The following ATL3 variants were observed in gnomAD, a reference collection of about 807,000 sequenced individuals.
ATL3 encodes the protein atlastin-3.
ATL3 carries 49 observed loss-of-function variants against 69.5 expected under a neutral mutation model. The observed-to-expected ratio is 0.71, with a 90% CI of 0.56 to 0.89. ATL3 has a LOEUF of 0.89. Among genes scored for constraint, ATL3 ranks in the 40% least tolerant of loss-of-function variants. The pLI is 0.00. For missense variants in ATL3, 606 were observed against 645.7 expected, an observed-to-expected ratio of 0.94 and a Z score of 0.67; for synonymous variants, 214 against 224.1, an observed-to-expected ratio of 0.95 and a Z score of 0.40.
At chr11:63,656,627 A>G (rs1371257777) in intron 3 of ATL3, among the ~76,000 whole-genome samples, 1 of 151,124 alleles carries the variant, frequency 6.6e-6, no homozygotes, top group African/African-American at 2.4e-5. Flanking sequence ...CCAGCTACTC[A>G]GAAGGCTGAG....
intron 1 of ATL3, among the ~76,000 whole-genome samples, chr11:63,669,868 A>C (rs987887600): frequency 6.6e-6 from 1 of 152,170 alleles, no homozygotes; most frequent in Non-Finnish European, 1.5e-5. Flanking sequence ...GAATCATTTG[A>C]ACCCAGGAGG....
intron 5 of ATL3, among the ~76,000 whole-genome samples, chr11:63,649,552 G>A (rs909434805): frequency 6.7e-6 from 1 of 149,302 alleles, no homozygotes; most frequent in African/African-American, 2.5e-5. Context: ...TTTTTTTAAA[G>A]ACAGAGTCTC....
chr11:63,651,357 G>A (rs1404448542), intron 5 of ATL3, among the ~76,000 whole-genome samples: 1 of 151,222 alleles, frequency 6.6e-6, no homozygotes, highest in Admixed American at 6.6e-5. Context: ...AGTGAGCCAA[G>A]ATTGCATCAT....
chr11:63,641,689 TA>T (rs1939706141), intron 8 of ATL3, among the ~76,000 whole-genome samples: 1 of 152,200 alleles, frequency 6.6e-6, no homozygotes, highest in Non-Finnish European at 1.5e-5. Context: ...TGCGGGGGAA[TA>T]AATTTCCGTT....
At position 63,652,864 on chromosome 11, in the gene ATL3, T is replaced by C. The variant is rs141732599; in HGVS notation, c.406-289A>G. On this transcript the variant is annotated intron_variant, in intron 3 of 12. Transcript: ENST00000398868. Reference sequence around the variant, plus strand: ...ATTAGCTTATCACCCAGCCAGGCATTTGGATGTTTCCTGTTGTTGAAAAAG... The same window carrying C: ...ATTAGCTTATCACCCAGCCAGGCATCTGGATGTTTCCTGTTGTTGAAAAAG... 2.7e-3 allele frequency among the ~76,000 whole-genome samples: 414 copies of C among 152,284 alleles called. 4 individuals are homozygous for C. The highest frequency in any genetic ancestry group is 8.7e-3 in the African/African-American group (362 of 41,554).
chr11:63,654,591 T>C (rs376241926), intron 3 of ATL3, among the ~76,000 whole-genome samples: 1 of 149,632 alleles, frequency 6.7e-6, no homozygotes, highest in African/African-American at 2.5e-5. Flanking sequence ...AGAGACAGGG[T>C]TTCACCACGT....
In ATL3 at chr11:63,658,761, C is replaced by T. The variant is rs752775091; in HGVS notation, c.405G>A (p.Lys135=). 48 of 1,595,000 alleles carry T rather than the reference C, an allele frequency of 3.0e-5. No homozygotes were observed. The highest frequency in any genetic ancestry group is 3.7e-5 in the Non-Finnish European group (44 of 1,174,530). The change falls in exon 3 of 13, where the codon AAG becomes AAA. Residue 135 remains lysine (K), a splice_region_variant and synonymous_variant. Coordinates refer to ENST00000398868, the MANE Select transcript of ATL3 (RefSeq NM_015459.5). The part of the protein sequence containing the change: ...VFTVEKPGGK[K]VAVVLMDTQG... ...TCTGTAAGGTCATTTTCATCCTTAC[C>T]TTCTTCCCACCTGGCTTCTCCACAG... is the stretch of plus-strand genomic sequence containing the variant.
Position 63,627,122 on chromosome 11 carries a change from CCTT to C in ATL3, c.*2194_*2196del, listed in dbSNP as rs1270471164. On this transcript the variant is annotated 3_prime_UTR_variant, in exon 13 of 13. Coordinates refer to ENST00000398868, the MANE Select transcript of ATL3 (RefSeq NM_015459.5). ...TAGTATGAGTTTTCGACACATCACCCCTTCTTACCATTAAATTTTTTAAGTTAT... is the reference window on the plus strand; with the variant it reads ...TAGTATGAGTTTTCGACACATCACCCCTTACCATTAAATTTTTTAAGTTAT... 5 of 151,214 alleles carry C rather than the reference CCTT, an allele frequency of 3.3e-5. No individual in the cohort carries two copies. The highest frequency in any genetic ancestry group is 6.6e-5 in the Admixed American group (1 of 15,172). The allele number at this position is 151,214 out of a possible 1,614,324, so 9.4% of individuals were successfully genotyped here.
In ATL3 at chr11:63,658,767, C is replaced by G. The variant is rs778353861; in HGVS notation, c.399G>C (p.Gly133=). The part of the protein sequence containing the change: ...SEVFTVEKPG[G]KKVAVVLMDT... Reference sequence around the variant, plus strand: ...AGGTCATTTTCATCCTTACCTTCTTCCCACCTGGCTTCTCCACAGTGAAAA... The same window carrying G: ...AGGTCATTTTCATCCTTACCTTCTTGCCACCTGGCTTCTCCACAGTGAAAA... The change falls in exon 3 of 13, where the codon GGG becomes GGC. Residue 133 remains glycine, a synonymous_variant. Coordinates refer to ENST00000398868, the MANE Select transcript of ATL3 (RefSeq NM_015459.5). 5.0e-6 allele frequency: 8 copies of G among 1,596,994 alleles called. No homozygotes were observed. The Admixed American group carries it at 1.5e-4, about 29-fold the overall frequency.
chr11:63,666,463 T>C (rs1479006081), intron 1 of ATL3, among the ~76,000 whole-genome samples: 2 of 152,170 alleles, frequency 1.3e-5, no homozygotes, highest in African/African-American at 2.4e-5. Flanking sequence ...TATACAAATT[T>C]AGGACTCAAA....
rs1274948668 is a variant in ATL3 at position 63,627,237 on chromosome 11, A to G, written c.*2082T>C. The stretch of plus-strand genomic sequence containing the variant: ...AGCCTGCTAATAGGTATGAACTTTC[A>G]GAGAGATAAGAGGTCACCTGAAAAT... On this transcript the variant is annotated 3_prime_UTR_variant, in exon 13 of 13. Coordinates refer to ENST00000398868, the MANE Select transcript of ATL3 (RefSeq NM_015459.5). 6.6e-6 allele frequency: 1 copy of G among 152,140 alleles called. No individual in the cohort carries two copies. The highest frequency in any genetic ancestry group is 1.5e-5 in the Non-Finnish European group (1 of 68,030). The allele number at this position is 152,140 out of a possible 1,614,324, so 9.4% of individuals were successfully genotyped here. A position where few individuals can be genotyped will look rare whatever the true frequency, so the allele number is the denominator to read the frequency against.
At chr11:63,637,683 C>T (rs566251046) in intron 8 of ATL3, 7 of 152,276 alleles carry the variant, frequency 4.6e-5, no homozygotes, top group Admixed American at 2.6e-4. Flanking sequence ...AGCTGATTTA[C>T]ATAATCTTCT....
chr11:63,629,876 CA>C (rs1010795500), intron 12 of ATL3, among the ~76,000 whole-genome samples: 9 of 151,072 alleles, frequency 6.0e-5, no homozygotes, highest in African/African-American at 1.5e-4. Context: ...ACCTCGTCTC[CA>C]AAAAAAATTT....
Position 63,635,530 on chromosome 11 carries a change from T to G in ATL3, c.1035+4A>C. 1 of 1,611,194 alleles carries G rather than the reference T, an allele frequency of 6.2e-7. No individual in the cohort carries two copies. The highest frequency in any genetic ancestry group is 1.1e-5 in the South Asian group (1 of 90,908). ...AGCGTTTAGGATGTCAAATCATTGT[T>G]TACCTGAAGCATGGACTTGGGGTGA... On this transcript the variant is annotated splice_donor_region_variant and intron_variant, in intron 10 of 12. Coordinates refer to ENST00000398868, the MANE Select transcript of ATL3 (RefSeq NM_015459.5).
chr11:63,652,618 A>C, intron 3 of ATL3, 43 bp from the exon 4 acceptor site: 6 of 1,429,574 alleles, frequency 4.2e-6, no homozygotes, highest in Non-Finnish European at 4.9e-6. Context: ...TAAACTAAGA[A>C]GGAGGAAACC....
chr11:63,638,142 T>C (rs1424058586), intron 8 of ATL3, among the ~76,000 whole-genome samples: 1 of 152,188 alleles, frequency 6.6e-6, no homozygotes, highest in African/African-American at 2.4e-5. Context: ...GTACAGACCC[T>C]ATATGCTACT....
At chr11:63,657,378 G>A (rs1317471364) in intron 3 of ATL3, among the ~76,000 whole-genome samples, 1 of 152,200 alleles carries the variant, frequency 6.6e-6, no homozygotes, top group Non-Finnish European at 1.5e-5. Context: ...ACAAGGCATA[G>A]ATGAGACTGG....
intron 1 of ATL3, among the ~76,000 whole-genome samples, chr11:63,660,199 A>G (rs1466089297): frequency 6.6e-6 from 1 of 152,214 alleles, no homozygotes; most frequent in Non-Finnish European, 1.5e-5. Context: ...GCCATGGGCT[A>G]GGGAAGAGTA....
At chr11:63,652,063 G>A (rs184718120) in intron 4 of ATL3, 77 bp from the exon 5 acceptor site, 1,208 of 1,537,472 alleles carry the variant, frequency 7.9e-4, no homozygotes, top group Non-Finnish European at 1.0e-3. Flanking sequence ...AGGGCTGACA[G>A]AAGCTTTGAA....
Sources: gnomAD v4.1 joint callset for allele counts (sites outside exome capture counted in the v4.1 genomes callset) on GRCh38, gnomAD v4.1.1 for gene constraint, MANE v1.5 for transcripts, NCBI Gene and HGNC (gene_info 2026-07-23, HGNC 2026-07-21) for gene names.